RGMA: variants seen among roughly 807,000 people sequenced by gnomAD.
RGMA encodes repulsive guidance molecule BMP co-receptor a, also known as repulsive guidance molecule A.
In RGMA, 10 loss-of-function variants were observed where a neutral mutation model predicts 23.2. That is an observed-to-expected ratio of 0.43 (90% CI 0.27 to 0.73). RGMA has a LOEUF of 0.73. RGMA is among the 30% of genes least tolerant of loss of function. RGMA has a pLI of 0.20. For synonymous variants in RGMA, 308 were observed against 279.3 expected (o/e 1.10, Z -1.03); for missense variants, 547 against 630.5 (o/e 0.87, Z 1.42).
At chr15:93,055,524 C>T (rs1454518638) in intron 2 of RGMA, among the ~76,000 whole-genome samples, 1 of 152,198 alleles carries the variant, frequency 6.6e-6, no homozygotes. Context: ...CAGGAAGGAG[C>T]CAGGGCAGGA....
intron 1 of RGMA, among the ~76,000 whole-genome samples, chr15:93,079,673 A>G (rs1205807545): frequency 2.0e-5 from 3 of 152,194 alleles, no homozygotes; most frequent in African/African-American, 4.8e-5. Flanking sequence ...TACAATAATT[A>G]GCCAGGCATG....
chr15:93,084,604 C>T (rs547224416), intron 1 of RGMA, among the ~76,000 whole-genome samples: 1 of 152,224 alleles, frequency 6.6e-6, no homozygotes, highest in African/African-American at 2.4e-5. Context: ...ACCGGAGTAG[C>T]TGGGACTACA....
At chr15:93,088,585 C>A (rs1357177784) in intron 1 of RGMA, 3 of 1,062,638 alleles carry the variant, frequency 2.8e-6, no homozygotes, top group Non-Finnish European at 3.4e-6. Flanking sequence ...GTGGCCGGCT[C>A]CGTCCGGGGC....
At chr15:93,063,021 G>C (rs1895020591) in intron 2 of RGMA, 1 of 152,350 alleles carries the variant, frequency 6.6e-6, no homozygotes, top group Non-Finnish European at 1.5e-5. Flanking sequence ...AGATGGCAGG[G>C]AGCCCCTGAA....
At chr15:93,072,115 G>T (rs1391063198) in intron 2 of RGMA, among the ~76,000 whole-genome samples, 2 of 151,398 alleles carry the variant, frequency 1.3e-5, no homozygotes, top group Admixed American at 1.3e-4. Context: ...CCCTCCCCCC[G>T]AAAGGAAAAA....
intron 2 of RGMA, chr15:93,065,954 G>A: frequency 1.2e-6 from 1 of 856,706 alleles, no homozygotes; most frequent in South Asian, 1.5e-5. Flanking sequence ...TAGAAGAAGG[G>A]TGGGGGGCGC....
chr15:93,088,436 G>A lies in RGMA; in HGVS notation c.14+483C>T, dbSNP rs1052806749. The A allele has an allele frequency of 4.0e-5, 39 of 985,790 alleles. 1 individual carries two copies. In the Admixed American group the frequency reaches 9.8e-4, roughly 25 times the overall value. The allele number at this position is 985,790 out of a possible 1,614,324, so 61.1% of individuals were successfully genotyped here. A position where few individuals can be genotyped will look rare whatever the true frequency, so the allele number is the denominator to read the frequency against. Reference sequence around the variant, plus strand: ...CGGCGCGCCGAGGCAAAGGGCCGCCGGGACGCGAGCCCACGCGGTGCACTG... The same window carrying A: ...CGGCGCGCCGAGGCAAAGGGCCGCCAGGACGCGAGCCCACGCGGTGCACTG... On this transcript the variant is annotated intron_variant, in intron 1 of 3. Coordinates refer to ENST00000329082, the MANE Select transcript of RGMA (RefSeq NM_020211.3).
At chr15:93,055,816 C>T (rs555908949) in intron 2 of RGMA, among the ~76,000 whole-genome samples, 1 of 152,328 alleles carries the variant, frequency 6.6e-6, no homozygotes, top group East Asian at 1.9e-4. Context: ...GCTCTACCCT[C>T]CAAATGGGTA....
intron 2 of RGMA, among the ~76,000 whole-genome samples, chr15:93,060,729 G>T (rs577976164): frequency 1.8e-4 from 27 of 152,344 alleles, no homozygotes; most frequent in African/African-American, 6.3e-4. Flanking sequence ...CGGAATTTTA[G>T]AACCTGGGAG....
Position 93,077,257 on chromosome 15 carries a change from G to A in RGMA, c.15-4226C>T, listed in dbSNP as rs117632149. On this transcript the variant is annotated intron_variant, in intron 1 of 3. Coordinates refer to ENST00000329082, the MANE Select transcript of RGMA (RefSeq NM_020211.3). ...GAAGGGGAGGGATTTATTCTTTTGGGAGACCACTGTGGGAGATGTAAAAAG... is the reference window on the plus strand; with the variant it reads ...GAAGGGGAGGGATTTATTCTTTTGGAAGACCACTGTGGGAGATGTAAAAAG... 6.7e-3 allele frequency among the ~76,000 whole-genome samples: 1,014 copies of A among 152,316 alleles called. 10 individuals are homozygous for A. Among genetic ancestry groups the A allele is most frequent in the Non-Finnish European group, 0.01 (713 of 68,026 alleles).
intron 2 of RGMA, among the ~76,000 whole-genome samples, chr15:93,065,273 T>TG (rs1442010533): frequency 1.3e-5 from 2 of 150,934 alleles, no homozygotes; most frequent in South Asian, 4.2e-4. Context: ...AAAATAAACT[T>TG]GGGGGGCAAA....
chr15:93,048,315 TAGTC>T (rs1038414194), intron 3 of RGMA, among the ~76,000 whole-genome samples: 12 of 152,216 alleles, frequency 7.9e-5, no homozygotes, highest in African/African-American at 1.2e-4. Flanking sequence ...GAAAATGTGT[TAGTC>T]AGGCAAGGCT....
chr15:93,089,178 G>A lies in RGMA; in HGVS notation c.-246C>T, dbSNP rs1257397290. 7.6e-5 allele frequency: 22 copies of A among 291,174 alleles called. No homozygotes were observed. Among genetic ancestry groups the A allele is most frequent in the Non-Finnish European group, 7.0e-5 (11 of 158,164 alleles). The allele number at this position is 291,174 out of a possible 1,614,324, so 18.0% of individuals were successfully genotyped here. ...GCTTCCCCGGCCCAGCGGCTCGGGC[G>A]GCGCAGCCAGCGCTCGGGAGACAAC... On this transcript the variant is annotated 5_prime_UTR_variant, in exon 1 of 4. Coordinates refer to ENST00000329082, the MANE Select transcript of RGMA (RefSeq NM_020211.3).
intron 3 of RGMA, among the ~76,000 whole-genome samples, chr15:93,050,942 G>A (rs576809522): frequency 1.3e-5 from 2 of 152,324 alleles, no homozygotes; most frequent in East Asian, 1.9e-4. Flanking sequence ...GGGCCGTGGG[G>A]GAGGTGGCTG....
In RGMA at chr15:93,080,797, ACCT is replaced by A. The variant is rs1895547195; in HGVS notation, c.15-7769_15-7767del. On this transcript the variant is annotated intron_variant, in intron 1 of 3. Coordinates refer to ENST00000329082, the MANE Select transcript of RGMA (RefSeq NM_020211.3). ...TTCTCGACTTCCCATATTCTCAGTA[ACCT>A]CTTGGAGCAGCCGTGTTTCTTTTCT... 2.0e-5 allele frequency among the ~76,000 whole-genome samples: 3 copies of A among 151,454 alleles called. No homozygotes were observed. In the South Asian group the frequency reaches 6.3e-4, roughly 32 times the overall value.
intron 1 of RGMA, among the ~76,000 whole-genome samples, chr15:93,076,801 G>A (rs1001567373): frequency 3.9e-5 from 6 of 152,174 alleles, no homozygotes; most frequent in African/African-American, 1.2e-4. Flanking sequence ...CAAGCTGGCC[G>A]AACCCCATGC....
At chr15:93,073,135 C>T in intron 1 of RGMA, 104 bp from the exon 2 acceptor site, 2 of 1,278,358 alleles carry the variant, frequency 1.6e-6, no homozygotes, top group South Asian at 2.9e-5. Context: ...CTCCGTCCAC[C>T]TCGGCCGCGG....
At chr15:93,066,406 G>T in intron 2 of RGMA, 3 of 682,002 alleles carry the variant, frequency 4.4e-6, no homozygotes, top group Non-Finnish European at 8.2e-6. Flanking sequence ...GAAACGGGGG[G>T]CGGGGGTTTC....
At chr15:93,058,962 C>T (rs1449975658) in intron 2 of RGMA, among the ~76,000 whole-genome samples, 1 of 152,196 alleles carries the variant, frequency 6.6e-6, no homozygotes, top group Non-Finnish European at 1.5e-5. Flanking sequence ...ATAAAATAGC[C>T]TGCGCTCCCG....
Sources: gnomAD v4.1 joint callset for allele counts (sites outside exome capture counted in the v4.1 genomes callset) on GRCh38, gnomAD v4.1.1 for gene constraint, MANE v1.5 for transcripts, NCBI Gene and HGNC (gene_info 2026-07-23, HGNC 2026-07-21) for gene names.